Variants in FMN1 observed in about 807,000 individuals in gnomAD.
The protein encoded by FMN1 is formin-1.
A neutral mutation model predicts 132.4 loss-of-function variants in FMN1; 110 were observed. That is an observed-to-expected ratio of 0.83 (90% confidence interval 0.71 to 0.97). The LOEUF is 0.97. FMN1 is among the 50% of genes least tolerant of loss of function. The pLI, the probability that FMN1 is intolerant of heterozygous loss-of-function variation, is 0.00. For missense variants in FMN1, 1,792 were observed against 1,705.3 expected, an observed-to-expected ratio of 1.05 and a Z score of -0.90; for synonymous variants, 722 against 651.7, an observed-to-expected ratio of 1.11 and a Z score of -1.64.
At position 32,926,271 on chromosome 15, in the gene FMN1, GAA is replaced by G. The variant is rs201622952; in HGVS notation, c.3139-12_3139-11del. The G allele has an allele frequency of 2.5e-3, 2,425 of 980,996 alleles. No homozygotes were observed. The highest frequency in any genetic ancestry group is 4.3e-3 in the East Asian group (145 of 33,886). 60.8% of individuals were successfully genotyped at this position (980,996 alleles called of 1,614,324 possible). ...CCAACAATTTGATGATCTAAAATTA[GAA>G]AAAAAAAAAAAAGAATACAAGCTCA... is the stretch of plus-strand genomic sequence containing the variant. On this transcript the variant is annotated splice_polypyrimidine_tract_variant and intron_variant, in intron 9 of 20. Coordinates refer to ENST00000616417, the MANE Select transcript of FMN1 (RefSeq NM_001277313.2).
At chr15:33,092,062 A>G (rs1005812222) in intron 4 of FMN1, among the ~76,000 whole-genome samples, 2 of 152,210 alleles carry the variant, frequency 1.3e-5, no homozygotes, top group African/African-American at 2.4e-5. Flanking sequence ...ATACACACAC[A>G]GGTTATCTGT....
intron 9 of FMN1, among the ~76,000 whole-genome samples, chr15:32,945,688 G>A (rs2061494940): frequency 6.6e-6 from 1 of 152,128 alleles, no homozygotes; most frequent in African/African-American, 2.4e-5. Context: ...CAAGATATCA[G>A]AAATGATGGA....
chr15:33,128,832 CAATGCGGAAGACA>C (rs1963394718), intron 4 of FMN1, among the ~76,000 whole-genome samples: 1 of 152,146 alleles, frequency 6.6e-6, no homozygotes, highest in Non-Finnish European at 1.5e-5. Flanking sequence ...AAAGCCTCCG[CAATGCGGAAGACA>C]ACCGGAGCAG....
chr15:33,072,096 A>C (rs75589475), intron 5 of FMN1, among the ~76,000 whole-genome samples: 5,544 of 152,234 alleles, frequency 0.036, 354 homozygotes, highest in African/African-American at 0.13. Flanking sequence ...ACAAAAAAAC[A>C]ACCTTATACT....
chr15:32,791,502 G>C (rs1017220434), intron 19 of FMN1, among the ~76,000 whole-genome samples: 5 of 151,998 alleles, frequency 3.3e-5, no homozygotes, highest in Admixed American at 2.0e-4. Flanking sequence ...AGATAACTAT[G>C]ATCTAAATTC....
At chr15:32,976,154 A>C (rs2032185259) in intron 7 of FMN1, among the ~76,000 whole-genome samples, 1 of 152,130 alleles carries the variant, frequency 6.6e-6, no homozygotes, top group African/African-American at 2.4e-5. Flanking sequence ...TGTACAACTT[A>C]AGTCAGTCAG....
At chr15:32,776,688 T>C in intron 20 of FMN1, 147 bp downstream of exon 20, 1 of 186,246 alleles carries the variant, frequency 5.4e-6, no homozygotes, top group Non-Finnish European at 1.0e-5. Flanking sequence ...CCACACATAC[T>C]TTTTTTTTTT....
At chr15:33,003,235 C>A (rs2034215577) in intron 7 of FMN1, among the ~76,000 whole-genome samples, 1 of 152,094 alleles carries the variant, frequency 6.6e-6, no homozygotes, top group African/African-American at 2.4e-5. Flanking sequence ...AAAGGGCATT[C>A]AATAGGAAAA....
intron 3 of FMN1, among the ~76,000 whole-genome samples, chr15:33,161,770 T>C (rs910426653): frequency 3.4e-4 from 51 of 151,732 alleles, no homozygotes; most frequent in Non-Finnish European, 1.3e-4. Context: ...TACAAAATAT[T>C]AGCCAGGTGT....
intron 16 of FMN1, among the ~76,000 whole-genome samples, chr15:32,865,836 C>CAAAAA (rs59592154): frequency 4.7e-5 from 5 of 107,148 alleles, no homozygotes; most frequent in East Asian, 3.7e-4. Flanking sequence ...AACTCCACCT[C>CAAAAA]AAAAAAAAAA....
intron 6 of FMN1, among the ~76,000 whole-genome samples, chr15:33,030,024 G>T (rs1274683118): frequency 1.3e-5 from 2 of 152,202 alleles, no homozygotes; most frequent in Non-Finnish European, 2.9e-5. Flanking sequence ...TGGGCGTGGT[G>T]GCGGGTACCT....
At chr15:33,138,007 T>C (rs1963846346) in intron 4 of FMN1, among the ~76,000 whole-genome samples, 1 of 152,230 alleles carries the variant, frequency 6.6e-6, no homozygotes, top group Admixed American at 6.5e-5. Context: ...ATAACTATTG[T>C]GTAGATTATG....
Position 33,066,780 on chromosome 15 carries a change from C to T in FMN1, c.2044-1706G>A, listed in dbSNP as rs1355344646. Reference sequence around the variant, plus strand: ...TGGTCAGCATTGCAGCCCATCTCTTCTCTCCTGGGCGACTCAGGGTCTGCT... The same window carrying T: ...TGGTCAGCATTGCAGCCCATCTCTTTTCTCCTGGGCGACTCAGGGTCTGCT... On this transcript the variant is annotated intron_variant, in intron 5 of 20. Transcript: ENST00000616417. 6.2e-7 allele frequency: 1 copy of T among 1,613,980 alleles called. No individual in the cohort carries two copies. Among genetic ancestry groups the T allele is most frequent in the East Asian group, 2.2e-5 (1 of 44,858 alleles).
intron 17 of FMN1, among the ~76,000 whole-genome samples, chr15:32,835,595 A>G: frequency 6.6e-6 from 1 of 152,082 alleles, no homozygotes; most frequent in East Asian, 1.9e-4. Flanking sequence ...GATGGTTTGG[A>G]AGGGTTTGTT....
rs2056034607 is a variant in FMN1, at chr15:32,766,015, A to C, written c.*8295T>G. ...AAAAATACCTGAATCCAATGAGCTT[A>C]TTATGCTTAAAAATATCCCAAGAGC... On this transcript the variant is annotated 3_prime_UTR_variant, in exon 21 of 21. Transcript: ENST00000616417. 1 of 152,222 alleles carries C rather than the reference A, an allele frequency of 6.6e-6. No homozygotes were observed. The highest frequency in any genetic ancestry group is 2.4e-5 in the African/African-American group (1 of 41,456). 9.4% of individuals were successfully genotyped at this position (152,222 alleles called of 1,614,324 possible).
At chr15:32,781,966 C>T (rs932707196) in intron 19 of FMN1, among the ~76,000 whole-genome samples, 2 of 152,170 alleles carry the variant, frequency 1.3e-5, no homozygotes, top group Non-Finnish European at 2.9e-5. Flanking sequence ...TTTACTGTTC[C>T]CTCAATGACG....
intron 3 of FMN1, among the ~76,000 whole-genome samples, chr15:33,177,809 A>T (rs1435074484): frequency 1.3e-5 from 2 of 152,214 alleles, no homozygotes; most frequent in Admixed American, 1.3e-4. Context: ...GTTCGAGACC[A>T]GCCAGACCAA....
At chr15:33,191,519 T>A (rs540281397) in intron 2 of FMN1, among the ~76,000 whole-genome samples, 6 of 152,298 alleles carry the variant, frequency 3.9e-5, no homozygotes, top group Non-Finnish European at 8.8e-5. Flanking sequence ...TCCTCAAACA[T>A]GCACTAAGGC....
At chr15:33,191,169 CAA>C (rs34891602) in intron 2 of FMN1, among the ~76,000 whole-genome samples, 12 of 127,794 alleles carry the variant, frequency 9.4e-5, no homozygotes, top group East Asian at 2.6e-4. Flanking sequence ...GACTCCATCT[CAA>C]AAAAAAAAAA....
Sources: gnomAD v4.1 joint callset for allele counts (sites outside exome capture counted in the v4.1 genomes callset) on GRCh38, gnomAD v4.1.1 for gene constraint, MANE v1.5 for transcripts, NCBI Gene and HGNC (gene_info 2026-07-23, HGNC 2026-07-21) for gene names.